Variants in PLEKHA6 observed in about 807,000 individuals in gnomAD.
PLEKHA6 encodes the protein pleckstrin homology domain-containing family A member 6.
PLEKHA6 carries 60 observed loss-of-function variants against 116.7 expected under a neutral mutation model. That is an observed-to-expected ratio of 0.51 (90% CI 0.42 to 0.64). PLEKHA6 has a LOEUF of 0.64. Among genes scored for constraint, PLEKHA6 ranks in the 30% least tolerant of loss-of-function variants. The pLI, the probability that PLEKHA6 is intolerant of heterozygous loss-of-function variation, is 0.00. For missense variants in PLEKHA6, 1,338 were observed against 1,422.7 expected (o/e 0.94, Z 0.96); for synonymous variants, 489 against 556.1 (o/e 0.88, Z 1.70).
chr1:204,285,639 C>G (rs1195292366), intron 1 of PLEKHA6, among the ~76,000 whole-genome samples: 1 of 152,128 alleles, frequency 6.6e-6, no homozygotes, highest in African/African-American at 2.4e-5. Context: ...CCACGCTTGG[C>G]TAATTTGTTG....
chr1:204,356,305 G>A (rs1407461264), intron 1 of PLEKHA6, among the ~76,000 whole-genome samples: 2 of 152,192 alleles, frequency 1.3e-5, no homozygotes, highest in African/African-American at 2.4e-5. Flanking sequence ...AGGTGTGGTG[G>A]TTCACGCCTG....
intron 1 of PLEKHA6, among the ~76,000 whole-genome samples, chr1:204,341,187 G>A (rs1403455144): frequency 6.6e-6 from 1 of 152,266 alleles, no homozygotes; most frequent in African/African-American, 2.4e-5. Flanking sequence ...CAGGAAGGCA[G>A]ATCATGGTTG....
intron 1 of PLEKHA6, chr1:204,297,767 C>T (rs1413010276): frequency 2.4e-6 from 1 of 408,940 alleles, no homozygotes; most frequent in African/African-American, 2.2e-5. Context: ...AACATCGGAA[C>T]TGAAATTCAG....
At chr1:204,258,894 T>C (rs1665715279) in intron 8 of PLEKHA6, among the ~76,000 whole-genome samples, 1 of 152,144 alleles carries the variant, frequency 6.6e-6, no homozygotes, top group Non-Finnish European at 1.5e-5. Flanking sequence ...GGGGAGAGGA[T>C]GTTGTAGGAG....
In PLEKHA6 at chr1:204,241,572, C is replaced by T. The variant is rs1662825984; in HGVS notation, c.2303-91G>A. On this transcript the variant is annotated intron_variant, in intron 16 of 22. Coordinates refer to ENST00000272203, the MANE Select transcript of PLEKHA6 (RefSeq NM_014935.5). ...GAGACAATCTCAGCCCCACTCTCCA[C>T]CGAGATTAAAAAGCCCAGGGTGTGG... is the stretch of plus-strand genomic sequence containing the variant. The T allele has an allele frequency of 1.7e-5, 24 of 1,422,548 alleles. No homozygotes were observed. The South Asian group carries it at 3.0e-4, about 18-fold the overall frequency. 88.1% of individuals were successfully genotyped at this position (1,422,548 alleles called of 1,614,324 possible). A position where few individuals can be genotyped will look rare whatever the true frequency, so the allele number is the denominator to read the frequency against.
At chr1:204,327,750 C>T (rs542195431) in intron 1 of PLEKHA6, among the ~76,000 whole-genome samples, 1 of 152,344 alleles carries the variant, frequency 6.6e-6, no homozygotes, top group African/African-American at 2.4e-5. Context: ...CAAGAGACAG[C>T]CCAGGCCTCC....
chr1:204,309,242 A>G (rs1223088244), intron 1 of PLEKHA6: 1 of 160,966 alleles, frequency 6.2e-6, no homozygotes, highest in Non-Finnish European at 1.3e-5. Flanking sequence ...CTTCAGTCCC[A>G]TGAGCCCAAC....
chr1:204,234,044 C>G (rs1308007960), intron 17 of PLEKHA6, among the ~76,000 whole-genome samples: 1 of 152,110 alleles, frequency 6.6e-6, no homozygotes, highest in Admixed American at 6.6e-5. Context: ...GTCCTAGCCC[C>G]CAATACCTGT....
intron 2 of PLEKHA6, among the ~76,000 whole-genome samples, chr1:204,368,233 G>T (rs1412936968): frequency 6.6e-6 from 1 of 152,150 alleles, no homozygotes; most frequent in Non-Finnish European, 1.5e-5. Flanking sequence ...GGTTCCCCTG[G>T]AAGTGTCCTC....
At chr1:204,224,172 TA>T (rs1165639540) in intron 21 of PLEKHA6, among the ~76,000 whole-genome samples, 1 of 152,024 alleles carries the variant, frequency 6.6e-6, no homozygotes, top group Non-Finnish European at 1.5e-5. Flanking sequence ...ATCAGTCCAG[TA>T]AAGGCAAACT....
intron 1 of PLEKHA6, among the ~76,000 whole-genome samples, chr1:204,310,940 T>C (rs1219607274): frequency 6.6e-6 from 1 of 152,170 alleles, no homozygotes; most frequent in East Asian, 1.9e-4. Flanking sequence ...GGGGAGGAAC[T>C]TGCCCTAATT....
At chr1:204,240,604 G>A (rs894026619) in intron 17 of PLEKHA6, among the ~76,000 whole-genome samples, 1 of 152,190 alleles carries the variant, frequency 6.6e-6, no homozygotes. Flanking sequence ...TATTTGGGTT[G>A]GGGATTGGTG....
At chr1:204,242,361 G>A (rs964384999) in intron 15 of PLEKHA6, among the ~76,000 whole-genome samples, 1 of 152,148 alleles carries the variant, frequency 6.6e-6, no homozygotes, top group Non-Finnish European at 1.5e-5. Context: ...AGAAGACCAG[G>A]CTAAAGGTCA....
At chr1:204,233,912 C>G (rs528485252) in intron 17 of PLEKHA6, among the ~76,000 whole-genome samples, 40 of 152,002 alleles carry the variant, frequency 2.6e-4, no homozygotes, top group African/African-American at 9.4e-4. Flanking sequence ...CAGTCATGGG[C>G]TGAGACTTTT....
intron 21 of PLEKHA6, among the ~76,000 whole-genome samples, chr1:204,227,591 G>A (rs751077711): frequency 2.0e-5 from 3 of 152,166 alleles, no homozygotes; most frequent in Non-Finnish European, 4.4e-5. Flanking sequence ...AGTAGCCAAG[G>A]TGGTAATTGC....
chr1:204,347,724 C>T (rs1010744770), intron 1 of PLEKHA6, among the ~76,000 whole-genome samples: 1 of 152,140 alleles, frequency 6.6e-6, no homozygotes, highest in Admixed American at 6.5e-5. Context: ...CGTTCTTCTG[C>T]CATGGCTTCA....
chr1:204,292,548 A>C (rs1454193897), intron 1 of PLEKHA6, among the ~76,000 whole-genome samples: 1 of 150,004 alleles, frequency 6.7e-6, no homozygotes, highest in Non-Finnish European at 1.5e-5. Context: ...TATGTCCCTC[A>C]CCCTGGCTGA....
chr1:204,248,162 T>C (rs1038723245), intron 12 of PLEKHA6, among the ~76,000 whole-genome samples: 1 of 144,896 alleles, frequency 6.9e-6, no homozygotes, highest in Admixed American at 6.9e-5. Flanking sequence ...AGCCTTTTTT[T>C]TTTTTTTTTT....
Position 204,261,745 on chromosome 1 carries a change from G to A in PLEKHA6, c.382-297C>T, listed in dbSNP as rs1019417384. ...CACCTGGGGTAATTAAAGCAGGAGG[G>A]ACAATGATCACACCCATTCTCCCGG... is the stretch of plus-strand genomic sequence containing the variant. On this transcript the variant is annotated intron_variant, in intron 6 of 22. Transcript: ENST00000272203. This position sits in a 1 kb window ranked among gnomAD's most constrained non-coding sequence, Gnocchi z 4.0. 4.6e-5 allele frequency among the ~76,000 whole-genome samples: 7 copies of A among 152,196 alleles called. No homozygotes were observed. Among genetic ancestry groups the A allele is most frequent in the African/African-American group, 1.7e-4 (7 of 41,446 alleles).
Sources: allele counts gnomAD v4.1 joint callset (sites outside exome capture counted in the v4.1 genomes callset), GRCh38; gene constraint gnomAD v4.1.1; non-coding constraint Gnocchi (gnomAD v3.1); transcripts MANE v1.5; gene names NCBI Gene and HGNC (gene_info 2026-07-23, HGNC 2026-07-21).